The following CSMD1 variants were observed in gnomAD, a reference collection of about 807,000 sequenced individuals.
CSMD1 encodes the protein CUB and sushi domain-containing protein 1.
A neutral mutation model predicts 417.5 loss-of-function variants in CSMD1; 213 were observed. The observed-to-expected ratio is 0.51, with a 90% CI of 0.46 to 0.57. The LOEUF (loss-of-function observed/expected upper bound fraction) is 0.57. Ranked by LOEUF, CSMD1 falls within the 20% of genes least tolerant of loss-of-function variation. The pLI is 0.00. For synonymous variants in CSMD1, 2,862 were observed against 1,736.8 expected, an observed-to-expected ratio of 1.65 and a Z score of -16.11; for missense variants, 6,923 against 4,529.7, an observed-to-expected ratio of 1.53 and a Z score of -15.17.
chr8:3,533,152 T>C (rs1287297740), intron 10 of CSMD1, among the ~76,000 whole-genome samples: 1 of 152,184 alleles, frequency 6.6e-6, no homozygotes, highest in Admixed American at 6.5e-5. Context: ...GGAAGAAATT[T>C]AAAGATCAAA....
At chr8:4,367,527 G>A (rs988664014) in intron 3 of CSMD1, among the ~76,000 whole-genome samples, 2 of 152,264 alleles carry the variant, frequency 1.3e-5, no homozygotes, top group South Asian at 4.1e-4. Flanking sequence ...GCTCAGGACT[G>A]CTTTAGCTAA....
intron 47 of CSMD1, among the ~76,000 whole-genome samples, chr8:3,095,428 T>G (rs895172165): frequency 6.6e-6 from 1 of 152,184 alleles, no homozygotes; most frequent in Non-Finnish European, 1.5e-5. Flanking sequence ...GTAAATAATG[T>G]ATGTTTGTTT....
At chr8:3,726,676 C>G (rs1483849278) in intron 6 of CSMD1, among the ~76,000 whole-genome samples, 1 of 152,146 alleles carries the variant, frequency 6.6e-6, no homozygotes, top group African/African-American at 2.4e-5. Context: ...GTCTGTAGTT[C>G]TGGTTTGTGA....
At chr8:4,695,816 A>T (rs1248034270) in intron 1 of CSMD1, among the ~76,000 whole-genome samples, 1 of 152,234 alleles carries the variant, frequency 6.6e-6, no homozygotes, top group African/African-American at 2.4e-5. Context: ...TTACCTGGGC[A>T]ATTTAATTTT....
At chr8:4,412,729 A>T (rs1298990912) in intron 3 of CSMD1, among the ~76,000 whole-genome samples, 1 of 152,212 alleles carries the variant, frequency 6.6e-6, no homozygotes, top group African/African-American at 2.4e-5. Context: ...TGAAAAGTTA[A>T]TAAATTACAG....
intron 2 of CSMD1, among the ~76,000 whole-genome samples, chr8:4,425,896 T>G (rs892473058): frequency 3.3e-5 from 5 of 152,138 alleles, no homozygotes; most frequent in African/African-American, 1.2e-4. Flanking sequence ...TGACATATGT[T>G]ACTCCCTATC....
intron 3 of CSMD1, among the ~76,000 whole-genome samples, chr8:4,275,129 A>T (rs559075273): frequency 2.1e-4 from 32 of 152,322 alleles, no homozygotes; most frequent in South Asian, 4.1e-4. Context: ...ATAACCAATG[A>T]TAGTCAATAA....
intron 10 of CSMD1, among the ~76,000 whole-genome samples, chr8:3,502,191 C>T (rs149130504): frequency 1.3e-5 from 2 of 151,646 alleles, no homozygotes; most frequent in African/African-American, 4.8e-5. Flanking sequence ...GGTGAAACCC[C>T]GTCTCTACTA....
chr8:4,507,822 C>A (rs763191338), intron 2 of CSMD1, among the ~76,000 whole-genome samples: 1 of 152,036 alleles, frequency 6.6e-6, no homozygotes, highest in Non-Finnish European at 1.5e-5. Context: ...GCTTGTATGA[C>A]CAAAAGGTTT....
chr8:4,766,674 G>A (rs1283141895), intron 1 of CSMD1, among the ~76,000 whole-genome samples: 3 of 152,306 alleles, frequency 2.0e-5, no homozygotes, highest in East Asian at 1.9e-4. Flanking sequence ...AGCCCATGGT[G>A]GCTCCTGAGG....
At chr8:4,082,329 C>G (rs1232827243) in intron 3 of CSMD1, among the ~76,000 whole-genome samples, 1 of 152,056 alleles carries the variant, frequency 6.6e-6, no homozygotes, top group Non-Finnish European at 1.5e-5. Flanking sequence ...ATATTACAAA[C>G]TTTTTTAAAG....
At chr8:3,232,551 T>G (rs748860977) in intron 26 of CSMD1, among the ~76,000 whole-genome samples, 2 of 152,234 alleles carry the variant, frequency 1.3e-5, no homozygotes, top group African/African-American at 2.4e-5. Context: ...CGAAAACTCT[T>G]GTACATGCTG....
At chr8:3,797,545 T>C (rs1280455914) in intron 5 of CSMD1, among the ~76,000 whole-genome samples, 2 of 151,968 alleles carry the variant, frequency 1.3e-5, no homozygotes, top group African/African-American at 2.4e-5. Flanking sequence ...CTCTTAAATT[T>C]GGATTCTGTC....
intron 3 of CSMD1, among the ~76,000 whole-genome samples, chr8:4,093,993 G>C (rs1307834174): frequency 2.6e-5 from 4 of 151,986 alleles, no homozygotes; most frequent in South Asian, 2.1e-4. Flanking sequence ...TAGATAGATA[G>C]ATAGATAGAT....
At chr8:3,406,006 G>T (rs1161518) in intron 15 of CSMD1, 21 bp downstream of exon 15, 2 of 1,605,960 alleles carry the variant, frequency 1.2e-6, no homozygotes, top group East Asian at 2.2e-5. Context: ...GGAGAAGAGC[G>T]GGGGGTGGCA....
At chr8:4,106,972 G>T (rs1028063374) in intron 3 of CSMD1, among the ~76,000 whole-genome samples, 1 of 152,210 alleles carries the variant, frequency 6.6e-6, no homozygotes, top group African/African-American at 2.4e-5. Context: ...CTCTACGTCA[G>T]AGACTCAGCA....
chr8:3,318,577 T>C (rs1338384843), intron 23 of CSMD1, among the ~76,000 whole-genome samples: 1 of 152,230 alleles, frequency 6.6e-6, no homozygotes, highest in African/African-American at 2.4e-5. Flanking sequence ...GCGCTTAATA[T>C]GCAGTATCTT....
At chr8:3,477,653 C>T (rs76613081) in intron 11 of CSMD1, among the ~76,000 whole-genome samples, 3,348 of 152,160 alleles carry the variant, frequency 0.022, 237 homozygotes, top group East Asian at 0.18. Flanking sequence ...CAGCCAGGGG[C>T]AGAGGAAGAA....
chr8:3,771,199 C>G (rs879813128), intron 5 of CSMD1, among the ~76,000 whole-genome samples: 4 of 152,042 alleles, frequency 2.6e-5, no homozygotes, highest in African/African-American at 7.2e-5. Context: ...GATGACTACT[C>G]TTTTTGGGGC....
Sources: gnomAD v4.1 joint callset for allele counts (sites outside exome capture counted in the v4.1 genomes callset) on GRCh38, gnomAD v4.1.1 for gene constraint, MANE v1.5 for transcripts, NCBI Gene and HGNC (gene_info 2026-07-23, HGNC 2026-07-21) for gene names.